Variants in FAM20C observed in about 807,000 individuals in gnomAD.
FAM20C encodes the protein extracellular serine/threonine protein kinase FAM20C.
In FAM20C, 40 loss-of-function variants were observed where a neutral mutation model predicts 51.5. The observed-to-expected ratio is 0.78, with a 90% CI of 0.60 to 1.01. FAM20C has a LOEUF of 1.01. Among genes scored for constraint, FAM20C ranks in the 50% least tolerant of loss-of-function variants. The pLI, the probability that FAM20C is intolerant of heterozygous loss-of-function variation, is 0.00. For missense variants in FAM20C, 861 were observed against 844.7 expected, an observed-to-expected ratio of 1.02 and a Z score of -0.24; for synonymous variants, 406 against 380.6, an observed-to-expected ratio of 1.07 and a Z score of -0.78.
intron 8 of FAM20C, 124 bp from the exon 9 acceptor site, chr7:258,504 GGGGTGCTGGAGATGGGCT>G (rs1788739018): frequency 4.3e-6 from 3 of 700,788 alleles, no homozygotes; most frequent in African/African-American, 3.6e-5. Context: ...CCCACTGCCC[GGGGTGCTGGAGATGGGCT>G]GGGTGGACCC....
intron 5 of FAM20C, among the ~76,000 whole-genome samples, chr7:251,254 G>A (rs1206047925): frequency 8.3e-6 from 1 of 120,670 alleles, no homozygotes. Flanking sequence ...CTGAGTGGCC[G>A]GGCACGGTGG....
At chr7:249,763 CTG>C (rs1299552600) in intron 5 of FAM20C, among the ~76,000 whole-genome samples, 1 of 152,166 alleles carries the variant, frequency 6.6e-6, no homozygotes, top group African/African-American at 2.4e-5. Flanking sequence ...AGAAAAGAAA[CTG>C]GCATTTGTGG....
chr7:193,041 G>C lies in FAM20C; in HGVS notation c.-159G>C. ...GGGACCCAGCGCTCCGGCGGCGGGC[G>C]CCCTGCACGCGGCCCGGGCCCGGGG... On this transcript the variant is annotated 5_prime_UTR_variant, in exon 1 of 10. Transcript: ENST00000313766. The C allele has an allele frequency of 2.5e-6, 1 of 398,456 alleles. No homozygotes were observed. Among genetic ancestry groups the C allele is most frequent in the Non-Finnish European group, 3.8e-6 (1 of 266,046 alleles). 24.7% of individuals were successfully genotyped at this position (398,456 alleles called of 1,614,324 possible).
At position 229,182 on chromosome 7, in the gene FAM20C, G is replaced by A. The variant is rs573937708; in HGVS notation, c.864-17233G>A. The A allele has an allele frequency of 1.6e-4, 43 of 266,880 alleles. 1 individual carries two copies. Among genetic ancestry groups the A allele is most frequent in the Non-Finnish European group, 2.2e-4 (30 of 133,602 alleles). The allele number at this position is 266,880 out of a possible 1,614,324, so 16.5% of individuals were successfully genotyped here. A position where few individuals can be genotyped will look rare whatever the true frequency, so the allele number is the denominator to read the frequency against. On this transcript the variant is annotated intron_variant, in intron 3 of 9. Coordinates refer to ENST00000313766, the MANE Select transcript of FAM20C (RefSeq NM_020223.4). ...ACCTCCGGGTTTGTGTGAAATAGGCGGATTGTCTGGGCTCCGATGTGTGGG... is the reference window on the plus strand; with the variant it reads ...ACCTCCGGGTTTGTGTGAAATAGGCAGATTGTCTGGGCTCCGATGTGTGGG...
intron 3 of FAM20C, among the ~76,000 whole-genome samples, chr7:243,030 A>AGGAGACCTGTGCCACCCG (rs1562390431): frequency 1.7e-5 from 2 of 116,668 alleles, no homozygotes; most frequent in Non-Finnish European, 1.7e-5. Flanking sequence ...TGTGCTAACC[A>AGGAGACCTGTGCCACCCG]GGAGACCTGT....
At chr7:204,462 C>T (rs974323577) in intron 2 of FAM20C, among the ~76,000 whole-genome samples, 2 of 152,252 alleles carry the variant, frequency 1.3e-5, no homozygotes, top group African/African-American at 4.8e-5. Context: ...AAACGTGGTT[C>T]CTGACAGGGT....
Position 192,667 on chromosome 7 carries a change from GC to G in FAM20C, c.-525del, listed in dbSNP as rs569083267. Reference sequence around the variant, plus strand: ...CCCGCGCCCACCCCTTCCGCCCTTCGCCCCCCCCTTCCCCCCAGCCCCGGTC... The same window carrying G: ...CCCGCGCCCACCCCTTCCGCCCTTCGCCCCCCCTTCCCCCCAGCCCCGGTC... On this transcript the variant is annotated 5_prime_UTR_variant, in exon 1 of 10. Coordinates refer to ENST00000313766, the MANE Select transcript of FAM20C (RefSeq NM_020223.4). 7.1e-3 allele frequency among the ~76,000 whole-genome samples: 1,011 copies of G among 142,844 alleles called. 10 individuals are homozygous for G. The highest frequency in any genetic ancestry group is 0.024 in the African/African-American group (922 of 39,174). 93.7% of individuals were successfully genotyped at this position (142,844 alleles called of 152,430 possible). A position where few individuals can be genotyped will look rare whatever the true frequency, so the allele number is the denominator to read the frequency against.
chr7:260,220 C>G lies in FAM20C; in HGVS notation c.*240C>G. The stretch of plus-strand genomic sequence containing the variant: ...GCTCACGGACAGAGGCGGCCGGCGC[C>G]GGAGGCATTCCATCCTTTCTGTAGG... On this transcript the variant is annotated 3_prime_UTR_variant, in exon 10 of 10. Coordinates refer to ENST00000313766, the MANE Select transcript of FAM20C (RefSeq NM_020223.4). The G allele has an allele frequency of 2.1e-6, 1 of 472,602 alleles. No individual in the cohort carries two copies. The highest frequency in any genetic ancestry group is 3.6e-6 in the Non-Finnish European group (1 of 274,496). The allele number at this position is 472,602 out of a possible 1,614,324, so 29.3% of individuals were successfully genotyped here. A position where few individuals can be genotyped will look rare whatever the true frequency, so the allele number is the denominator to read the frequency against.
In FAM20C at chr7:214,346, A is replaced by G. The variant is rs1054518351; in HGVS notation, c.863+5370A>G. ...GTCTCAAAAAAAAAAAAATCTTTAC[A>G]TGTTCTAAATACAAGACCTTTACCA... On this transcript the variant is annotated intron_variant, in intron 3 of 9. Coordinates refer to ENST00000313766, the MANE Select transcript of FAM20C (RefSeq NM_020223.4). 4.6e-5 allele frequency among the ~76,000 whole-genome samples: 7 copies of G among 152,180 alleles called. No homozygotes were observed. In the East Asian group the frequency reaches 9.6e-4, roughly 21 times the overall value.
intron 8 of FAM20C, 149 bp from the exon 9 acceptor site, chr7:258,497 A>G: frequency 1.5e-6 from 1 of 662,004 alleles, no homozygotes; most frequent in Non-Finnish European, 2.6e-6. Context: ...GGATGGACCC[A>G]CTGCCCGGGG....
chr7:249,716 G>A (rs1439632144), intron 5 of FAM20C, among the ~76,000 whole-genome samples: 2 of 152,156 alleles, frequency 1.3e-5, no homozygotes, highest in African/African-American at 4.8e-5. Context: ...CTCCAGCCTG[G>A]GCAACAGAGT....
intron 3 of FAM20C, among the ~76,000 whole-genome samples, chr7:223,679 G>T (rs578058734): frequency 6.6e-6 from 1 of 152,360 alleles, no homozygotes; most frequent in African/African-American, 2.4e-5. Context: ...TGCAGCTGCA[G>T]TCACAGGGAG....
intron 3 of FAM20C, among the ~76,000 whole-genome samples, chr7:237,523 G>A (rs1787882016): frequency 2.6e-5 from 4 of 152,234 alleles, no homozygotes; most frequent in South Asian, 2.1e-4. Context: ...TGATGATAAC[G>A]ATGGTAAAAA....
intron 3 of FAM20C, among the ~76,000 whole-genome samples, chr7:243,150 C>T (rs769628910): frequency 0.035 from 1,345 of 38,360 alleles, 9 homozygotes; most frequent in African/African-American, 0.14. Flanking sequence ...GAGACCTGTG[C>T]CACCCAAGAG....
intron 3 of FAM20C, among the ~76,000 whole-genome samples, chr7:209,560 G>C (rs1465503652): frequency 1.0e-5 from 1 of 97,592 alleles, no homozygotes; most frequent in Non-Finnish European, 2.0e-5. Flanking sequence ...AACTGTGTCA[G>C]TCACCAAAAC....
chr7:257,493 C>T (rs1186211441), intron 8 of FAM20C: 5 of 198,582 alleles, frequency 2.5e-5, no homozygotes, highest in African/African-American at 4.7e-5. Flanking sequence ...TCTTGGGCGG[C>T]GCTGTGAGAC....
chr7:254,768 C>T (rs748172882), intron 5 of FAM20C, among the ~76,000 whole-genome samples: 11 of 152,212 alleles, frequency 7.2e-5, no homozygotes, highest in Non-Finnish European at 1.3e-4. Flanking sequence ...TTCCTCACCC[C>T]GCAGCCCTCG....
At chr7:233,058 G>A (rs1233818520) in intron 3 of FAM20C, among the ~76,000 whole-genome samples, 2 of 152,218 alleles carry the variant, frequency 1.3e-5, no homozygotes, top group African/African-American at 4.8e-5. Context: ...CAGACTCCTG[G>A]TTCCCGTCCA....
At chr7:229,839 G>C (rs954486723) in intron 3 of FAM20C, among the ~76,000 whole-genome samples, 3 of 152,038 alleles carry the variant, frequency 2.0e-5, no homozygotes, top group Non-Finnish European at 4.4e-5. Flanking sequence ...AGATAGAAAG[G>C]CTAATTTTTG....
Sources: allele counts gnomAD v4.1 joint callset (sites outside exome capture counted in the v4.1 genomes callset), GRCh38; gene constraint gnomAD v4.1.1; transcripts MANE v1.5; gene names NCBI Gene and HGNC (gene_info 2026-07-23, HGNC 2026-07-21).